Variants in SNTG1 observed in about 807,000 individuals in gnomAD.
SNTG1 encodes the protein syntrophin gamma 1.
A neutral mutation model predicts 74.7 loss-of-function variants in SNTG1; 39 were observed. The observed-to-expected ratio is 0.52, with a 90% confidence interval of 0.40 to 0.68. The LOEUF (loss-of-function observed/expected upper bound fraction) is 0.68. Among genes scored for constraint, SNTG1 ranks in the 30% least tolerant of loss-of-function variants. The pLI, the probability that SNTG1 is intolerant of heterozygous loss-of-function variation, is 0.00. For synonymous variants in SNTG1, 254 were observed against 217.1 expected (o/e 1.17, Z -1.49); for missense variants, 685 against 609.5 (o/e 1.12, Z -1.30).
At chr8:50,186,655 G>T (rs1307373325) in intron 2 of SNTG1, among the ~76,000 whole-genome samples, 1 of 151,724 alleles carries the variant, frequency 6.6e-6, no homozygotes, top group Non-Finnish European at 1.5e-5. Flanking sequence ...TATGTTTGTT[G>T]GCGGCATAAA....
At chr8:50,561,851 G>A (rs2094490232) in intron 12 of SNTG1, among the ~76,000 whole-genome samples, 1 of 152,070 alleles carries the variant, frequency 6.6e-6, no homozygotes, top group African/African-American at 2.4e-5. Context: ...TCAGTACTAG[G>A]TGTCTAGAAT....
At chr8:49,971,533 G>A (rs986491111) in intron 1 of SNTG1, among the ~76,000 whole-genome samples, 12 of 152,054 alleles carry the variant, frequency 7.9e-5, no homozygotes, top group Admixed American at 1.3e-4. Context: ...GGCAGAAGAA[G>A]GAAATAAAGG....
At chr8:50,450,765 C>T in intron 8 of SNTG1, 36 bp downstream of exon 8, 1 of 1,602,320 alleles carries the variant, frequency 6.2e-7, no homozygotes, top group Non-Finnish European at 8.5e-7. Context: ...TAGTTTTCCC[C>T]ATGTGCAAAT....
At chr8:49,956,915 C>A (rs1431844375) in intron 1 of SNTG1, among the ~76,000 whole-genome samples, 1 of 151,970 alleles carries the variant, frequency 6.6e-6, no homozygotes, top group African/African-American at 2.4e-5. Context: ...TATAGAAAGA[C>A]AAATACTGCA....
chr8:50,103,398 G>A (rs1439898138), intron 1 of SNTG1, among the ~76,000 whole-genome samples: 3 of 152,226 alleles, frequency 2.0e-5, no homozygotes, highest in East Asian at 1.9e-4. Flanking sequence ...TGTGATTTTT[G>A]TACATTGATT....
intron 17 of SNTG1, among the ~76,000 whole-genome samples, chr8:50,726,588 G>A (rs189555169): frequency 1.8e-4 from 27 of 152,176 alleles, no homozygotes; most frequent in Non-Finnish European, 3.4e-4. Flanking sequence ...ACTGGCTCAC[G>A]CCTGTAATCC....
At chr8:50,472,918 CAT>C (rs1347984082) in intron 8 of SNTG1, among the ~76,000 whole-genome samples, 1 of 151,832 alleles carries the variant, frequency 6.6e-6, no homozygotes, top group African/African-American at 2.4e-5. Flanking sequence ...GCCAAAAAAA[CAT>C]ATGAAAAAAT....
At chr8:50,145,588 A>G (rs2081831438) in intron 1 of SNTG1, among the ~76,000 whole-genome samples, 1 of 152,196 alleles carries the variant, frequency 6.6e-6, no homozygotes, top group South Asian at 2.1e-4. Flanking sequence ...ACTGTCTTAC[A>G]GAAAAAGTCA....
intron 4 of SNTG1, among the ~76,000 whole-genome samples, chr8:50,426,807 A>G (rs2131497614): frequency 6.6e-6 from 1 of 152,142 alleles, no homozygotes; most frequent in South Asian, 2.1e-4. Flanking sequence ...AATATTTGGG[A>G]AAAAAATACA....
At chr8:50,411,487 T>A (rs966574056) in intron 4 of SNTG1, among the ~76,000 whole-genome samples, 15 of 147,678 alleles carry the variant, frequency 1.0e-4, no homozygotes, top group Non-Finnish European at 1.4e-4. Context: ...AAAAAAAAAA[T>A]AAAATAAAAA....
At chr8:50,523,295 G>A (rs2094194882) in intron 9 of SNTG1, among the ~76,000 whole-genome samples, 1 of 152,170 alleles carries the variant, frequency 6.6e-6, no homozygotes, top group Non-Finnish European at 1.5e-5. Flanking sequence ...CACTGGTGTA[G>A]CACTGTTAAC....
At chr8:50,653,974 GT>G (rs530852871) in intron 13 of SNTG1, among the ~76,000 whole-genome samples, 10 of 151,264 alleles carry the variant, frequency 6.6e-5, no homozygotes, top group Admixed American at 1.3e-4. Flanking sequence ...TAATGTACAC[GT>G]TTTTTTTTCC....
intron 9 of SNTG1, among the ~76,000 whole-genome samples, chr8:50,508,948 G>A (rs1585511050): frequency 6.6e-6 from 1 of 152,176 alleles, no homozygotes; most frequent in South Asian, 2.1e-4. Context: ...GTCAATATTG[G>A]CTTTTGTTGC....
At chr8:50,469,230 T>C (rs1216682112) in intron 8 of SNTG1, among the ~76,000 whole-genome samples, 1 of 152,198 alleles carries the variant, frequency 6.6e-6, no homozygotes, top group Non-Finnish European at 1.5e-5. Context: ...TCCTCTACTT[T>C]AGAAGGACAG....
intron 1 of SNTG1, among the ~76,000 whole-genome samples, chr8:49,920,205 A>G (rs1045655684): frequency 1.3e-5 from 2 of 152,066 alleles, no homozygotes; most frequent in African/African-American, 4.8e-5. Flanking sequence ...AGGGCATAAT[A>G]AATGCATTTG....
chr8:50,697,584 T>A (rs1329604990), intron 15 of SNTG1, among the ~76,000 whole-genome samples: 1 of 152,186 alleles, frequency 6.6e-6, no homozygotes, highest in Non-Finnish European at 1.5e-5. Context: ...ACCTTTATTA[T>A]TTTGAGGTAT....
intron 2 of SNTG1, chr8:50,286,607 A>C (rs933050590): frequency 8.5e-5 from 13 of 152,202 alleles, no homozygotes; most frequent in African/African-American, 2.9e-4. Flanking sequence ...TGAAGACCTA[A>C]GCTGAGCCGG....
chr8:50,376,754 T>TATATAGAGAGAGAGAG (rs2092393781), intron 2 of SNTG1, among the ~76,000 whole-genome samples: 2 of 100,312 alleles, frequency 2.0e-5, no homozygotes, highest in East Asian at 2.7e-4. Context: ...TATATATATA[T>TATATAGAGAGAGAGAG]ATAGAGAGAG....
chr8:50,686,537 A>G (rs1291705929), intron 15 of SNTG1, among the ~76,000 whole-genome samples: 1 of 152,188 alleles, frequency 6.6e-6, no homozygotes, highest in African/African-American at 2.4e-5. Flanking sequence ...TAAAGCAACT[A>G]AAACTCAGAA....
Sources: allele counts gnomAD v4.1 joint callset (sites outside exome capture counted in the v4.1 genomes callset), GRCh38; gene constraint gnomAD v4.1.1; transcripts MANE v1.5; gene names NCBI Gene and HGNC (gene_info 2026-07-23, HGNC 2026-07-21).